Variants in NAALADL2 observed in about 807,000 individuals in gnomAD.
NAALADL2 encodes the protein N-acetylated alpha-linked acidic dipeptidase like 2.
NAALADL2 carries 76 observed loss-of-function variants against 87.2 expected under a neutral mutation model. The ratio of observed to expected loss-of-function variants is 0.87; its 90% CI spans 0.72 to 1.05. NAALADL2 has a LOEUF of 1.05. Ranked by LOEUF, NAALADL2 falls within the 50% of genes least tolerant of loss-of-function variation. The pLI, the probability that NAALADL2 is intolerant of heterozygous loss-of-function variation, is 0.00. For synonymous variants in NAALADL2, 354 were observed against 331.0 expected (o/e 1.07, Z -0.75); for missense variants, 1,089 against 945.8 (o/e 1.15, Z -1.99).
intron 1 of NAALADL2, among the ~76,000 whole-genome samples, chr3:174,912,721 T>G (rs1376125418): frequency 6.6e-6 from 1 of 152,204 alleles, no homozygotes; most frequent in East Asian, 1.9e-4. Flanking sequence ...GGTTAATTGT[T>G]GGCAATGGTC....
intron 3 of NAALADL2, among the ~76,000 whole-genome samples, chr3:174,808,530 C>T (rs1186620059): frequency 3.3e-5 from 5 of 152,194 alleles, no homozygotes; most frequent in Admixed American, 2.0e-4. Context: ...TGGTAAAATG[C>T]TGCCAAAAAG....
At chr3:175,348,085 C>T (rs1692846835) in intron 5 of NAALADL2, among the ~76,000 whole-genome samples, 1 of 152,094 alleles carries the variant, frequency 6.6e-6, no homozygotes, top group South Asian at 2.1e-4. Flanking sequence ...GAATTTTGCT[C>T]TTGTTGCCCA....
intron 9 of NAALADL2, among the ~76,000 whole-genome samples, chr3:175,492,988 ATTATGT>A (rs150610398): frequency 9.2e-5 from 14 of 152,176 alleles, no homozygotes; most frequent in Non-Finnish European, 2.1e-4. Flanking sequence ...AAAGTGAAAA[ATTATGT>A]TTATAACAGA....
intron 4 of NAALADL2, among the ~76,000 whole-genome samples, chr3:175,296,449 G>C (rs556751330): frequency 9.9e-5 from 15 of 152,142 alleles, no homozygotes; most frequent in Non-Finnish European, 1.5e-4. Flanking sequence ...TCTTAGGCAT[G>C]CATATGTTTA....
At chr3:175,256,822 T>G (rs1252227747) in intron 4 of NAALADL2, 3 of 198,502 alleles carry the variant, frequency 1.5e-5, no homozygotes, top group Non-Finnish European at 3.0e-5. Context: ...ATTGGCATAC[T>G]CTTCATAATG....
At chr3:174,946,652 G>A (rs1739472044) in intron 1 of NAALADL2, among the ~76,000 whole-genome samples, 1 of 152,080 alleles carries the variant, frequency 6.6e-6, no homozygotes, top group Admixed American at 6.5e-5. Context: ...AAATAATAAA[G>A]AGTGAAGGAA....
intron 11 of NAALADL2, among the ~76,000 whole-genome samples, chr3:175,691,210 G>A (rs1253016244): frequency 2.7e-5 from 4 of 150,382 alleles, no homozygotes; most frequent in African/African-American, 7.3e-5. Context: ...ATATATAAAT[G>A]TATGTGTATA....
At chr3:175,634,029 C>T (rs1421261728) in intron 11 of NAALADL2, among the ~76,000 whole-genome samples, 1 of 151,620 alleles carries the variant, frequency 6.6e-6, no homozygotes, top group East Asian at 1.9e-4. Context: ...GCCTGAAAAT[C>T]AAGGTAATTT....
At chr3:175,348,529 A>G (rs1763397355) in intron 5 of NAALADL2, among the ~76,000 whole-genome samples, 1 of 152,092 alleles carries the variant, frequency 6.6e-6, no homozygotes, top group African/African-American at 2.4e-5. Flanking sequence ...TGGCAGGGCC[A>G]TGTTCCCCCT....
At chr3:175,170,606 AT>A (rs1187037757) in intron 2 of NAALADL2, among the ~76,000 whole-genome samples, 1 of 150,828 alleles carries the variant, frequency 6.6e-6, no homozygotes, top group Non-Finnish European at 1.5e-5. Flanking sequence ...GACTCTAAAT[AT>A]TATTCTATAA....
In NAALADL2 at chr3:174,664,287, A is replaced by G. The variant is rs1725766559; in HGVS notation, c.-114-73354A>G. Reference sequence around the variant, plus strand: ...TAATTCTAAAGCATTTTAATACCGAACAATTAATGGCCTTCTATTACATAT... The same window carrying G: ...TAATTCTAAAGCATTTTAATACCGAGCAATTAATGGCCTTCTATTACATAT... On this transcript the variant is annotated intron_variant, in intron 2 of 3. Coordinates refer to the NAALADL2 transcript ENST00000434257. 2.0e-5 allele frequency among the ~76,000 whole-genome samples: 3 copies of G among 152,364 alleles called. No individual in the cohort carries two copies. In the South Asian group the frequency reaches 6.2e-4, roughly 32 times the overall value.
At chr3:175,164,065 A>G (rs1458691963) in intron 2 of NAALADL2, among the ~76,000 whole-genome samples, 4 of 152,294 alleles carry the variant, frequency 2.6e-5, no homozygotes, top group Non-Finnish European at 2.9e-5. Flanking sequence ...ATGTCCTAAC[A>G]TGCATCGTAG....
chr3:174,785,166 C>G (rs535705966), intron 3 of NAALADL2, among the ~76,000 whole-genome samples: 2 of 152,220 alleles, frequency 1.3e-5, no homozygotes, highest in South Asian at 4.1e-4. Context: ...CTTTTGAGCC[C>G]TTCCCCTCCT....
At chr3:175,139,803 C>A (rs1729723216) in intron 2 of NAALADL2, among the ~76,000 whole-genome samples, 1 of 152,078 alleles carries the variant, frequency 6.6e-6, no homozygotes, top group East Asian at 1.9e-4. Context: ...TTATGCATTG[C>A]AAATTAGTTT....
At chr3:174,919,830 G>C (rs147794605) in intron 1 of NAALADL2, among the ~76,000 whole-genome samples, 162 of 152,216 alleles carry the variant, frequency 1.1e-3, no homozygotes, top group African/African-American at 3.5e-3. Context: ...ATAAAACTTG[G>C]GAGTCAAAAT....
chr3:174,566,637 A>AT (rs375450146), intron 2 of NAALADL2, among the ~76,000 whole-genome samples: 19 of 150,464 alleles, frequency 1.3e-4, no homozygotes, highest in Middle Eastern at 3.4e-3. Flanking sequence ...TATGTCTTTA[A>AT]TTTTTTCCCT....
intron 2 of NAALADL2, among the ~76,000 whole-genome samples, chr3:175,220,199 T>C (rs1041677480): frequency 1.3e-5 from 2 of 151,782 alleles, no homozygotes; most frequent in Non-Finnish European, 1.5e-5. Context: ...TGTAATATTT[T>C]TGATATGTTT....
In NAALADL2 at chr3:175,288,186, A is replaced by G. The variant is rs1162087129; in HGVS notation, c.939+31656A>G. Among the ~76,000 whole-genome samples the G allele has an allele frequency of 2.6e-5, 4 of 152,202 alleles. No individual in the cohort carries two copies. The East Asian group carries it at 5.8e-4, about 22-fold the overall frequency. Reference sequence around the variant, plus strand: ...AACCTCTGCCTCCCGGGTTCAAGCAATTCTCCTCCCTCAGGAAAAATTTGA... The same window carrying G: ...AACCTCTGCCTCCCGGGTTCAAGCAGTTCTCCTCCCTCAGGAAAAATTTGA... On this transcript the variant is annotated intron_variant, in intron 4 of 13. Coordinates refer to ENST00000454872, the MANE Select transcript of NAALADL2 (RefSeq NM_207015.3).
intron 1 of NAALADL2, among the ~76,000 whole-genome samples, chr3:174,875,355 A>T (rs1728377027): frequency 1.3e-5 from 2 of 152,128 alleles, no homozygotes; most frequent in Non-Finnish European, 2.9e-5. Flanking sequence ...TAAATAAAAT[A>T]GTTGTTTACT....
Sources: allele counts gnomAD v4.1 joint callset (sites outside exome capture counted in the v4.1 genomes callset), GRCh38; gene constraint gnomAD v4.1.1; transcripts MANE v1.5; gene names NCBI Gene and HGNC (gene_info 2026-07-23, HGNC 2026-07-21).